Variants in ASTN2 observed in about 807,000 individuals in gnomAD.
ASTN2 encodes astrotactin 2.
ASTN2 carries 54 observed loss-of-function variants against 139.8 expected under a neutral mutation model. The ratio of observed to expected loss-of-function variants is 0.39; its 90% confidence interval spans 0.31 to 0.48. The LOEUF (loss-of-function observed/expected upper bound fraction) is 0.48. ASTN2 is among the 20% of genes least tolerant of loss of function. The pLI is 0.95. For missense variants in ASTN2, 1,565 were observed against 1,725.1 expected (o/e 0.91, Z 1.64); for synonymous variants, 756 against 719.5 (o/e 1.05, Z -0.81).
chr9:116,496,847 ATCAGATCTCC>A (rs1564318729), intron 19 of ASTN2, among the ~76,000 whole-genome samples: 2 of 152,172 alleles, frequency 1.3e-5, no homozygotes, highest in South Asian at 4.1e-4. Context: ...TTATAAAACC[ATCAGATCTCC>A]TGAGAATTAT....
Position 116,920,925 on chromosome 9 carries a change from A to T in ASTN2, c.1889+54283T>A, listed in dbSNP as rs73527988. On this transcript the variant is annotated intron_variant, in intron 10 of 22. Coordinates refer to ENST00000313400, the MANE Select transcript of ASTN2 (RefSeq NM_001365068.1). ...GACTATGTCCTCACAGGAAATATCCATCTGTTTTAGTCTATTCTCACACTG... is the reference window on the plus strand; with the variant it reads ...GACTATGTCCTCACAGGAAATATCCTTCTGTTTTAGTCTATTCTCACACTG... Among the ~76,000 whole-genome samples the T allele has an allele frequency of 3.7e-3, 561 of 152,320 alleles. 4 individuals are homozygous for T. Among genetic ancestry groups the T allele is most frequent in the African/African-American group, 0.013 (535 of 41,564 alleles).
At chr9:117,137,180 G>C (rs567959931) in intron 4 of ASTN2, among the ~76,000 whole-genome samples, 6 of 152,220 alleles carry the variant, frequency 3.9e-5, no homozygotes, top group Non-Finnish European at 5.9e-5. Flanking sequence ...TCCTTCCTCT[G>C]TCTGGCTAAG....
At chr9:117,088,777 G>A (rs144025080) in intron 5 of ASTN2, among the ~76,000 whole-genome samples, 44 of 152,286 alleles carry the variant, frequency 2.9e-4, no homozygotes, top group African/African-American at 9.6e-4. Context: ...TTCTATAACT[G>A]GCTGAGCAAC....
chr9:116,449,857 T>C (rs1387194143), intron 20 of ASTN2, among the ~76,000 whole-genome samples: 1 of 152,140 alleles, frequency 6.6e-6, no homozygotes, highest in East Asian at 1.9e-4. Context: ...CCCTGGTACC[T>C]AGGCTCCAGA....
intron 2 of ASTN2, among the ~76,000 whole-genome samples, chr9:117,283,968 G>A (rs1401784863): frequency 1.3e-5 from 2 of 151,762 alleles, no homozygotes; most frequent in South Asian, 2.1e-4. Flanking sequence ...TATTTTCAAT[G>A]GCAAAAACCA....
chr9:116,919,845 G>A (rs1216218077), intron 10 of ASTN2, among the ~76,000 whole-genome samples: 1 of 151,206 alleles, frequency 6.6e-6, no homozygotes, highest in Middle Eastern at 3.2e-3. Context: ...GGAGGCTGCA[G>A]TGGGAGGATT....
At chr9:116,535,815 A>G (rs1851597688) in intron 19 of ASTN2, among the ~76,000 whole-genome samples, 1 of 152,080 alleles carries the variant, frequency 6.6e-6, no homozygotes, top group Non-Finnish European at 1.5e-5. Context: ...AACTTTGGTG[A>G]ATCTGATAAT....
At chr9:117,171,277 A>C (rs1385596885) in intron 3 of ASTN2, among the ~76,000 whole-genome samples, 1 of 152,210 alleles carries the variant, frequency 6.6e-6, no homozygotes, top group Non-Finnish European at 1.5e-5. Context: ...GTACAGGTAC[A>C]GGGTTAGTGT....
At chr9:116,618,257 C>T in intron 19 of ASTN2, 67 bp downstream of exon 19, 1 of 1,516,592 alleles carries the variant, frequency 6.6e-7, no homozygotes, top group Non-Finnish European at 8.9e-7. Context: ...TCTCCAAAGA[C>T]AGTAGAAAAT....
At chr9:116,676,631 A>AC (rs1859517952) in intron 16 of ASTN2, among the ~76,000 whole-genome samples, 1 of 152,298 alleles carries the variant, frequency 6.6e-6, no homozygotes, top group East Asian at 1.9e-4. Context: ...GTTAGCCATA[A>AC]AAATTTTTTT....
chr9:117,211,656 T>G (rs375606359), intron 3 of ASTN2, among the ~76,000 whole-genome samples: 12 of 152,190 alleles, frequency 7.9e-5, no homozygotes, highest in African/African-American at 2.7e-4. Flanking sequence ...TAGTTCTTTA[T>G]AGCAGTGTGA....
chr9:117,225,537 A>ATGTGTG (rs1460719604), intron 2 of ASTN2, among the ~76,000 whole-genome samples: 1 of 24,424 alleles, frequency 4.1e-5, no homozygotes, highest in African/African-American at 2.2e-4. Context: ...AGCTGTATGT[A>ATGTGTG]TATATATATA....
At chr9:116,807,139 G>A (rs1831049745) in intron 12 of ASTN2, among the ~76,000 whole-genome samples, 1 of 152,066 alleles carries the variant, frequency 6.6e-6, no homozygotes, top group Non-Finnish European at 1.5e-5. Context: ...GTAAACAGCA[G>A]GCAATCTCTT....
chr9:116,889,734 C>G (rs1164878264), intron 10 of ASTN2, among the ~76,000 whole-genome samples: 2 of 103,598 alleles, frequency 1.9e-5, no homozygotes, highest in Non-Finnish European at 3.8e-5. Flanking sequence ...CACACACACA[C>G]ACACACACAC....
intron 7 of ASTN2, among the ~76,000 whole-genome samples, chr9:116,997,740 AC>A (rs1837066073): frequency 6.6e-6 from 1 of 152,198 alleles, no homozygotes; most frequent in Non-Finnish European, 1.5e-5. Flanking sequence ...AAAAATAACT[AC>A]CTAGAAGTGT....
At chr9:117,060,577 A>G (rs1237731266) in intron 5 of ASTN2, among the ~76,000 whole-genome samples, 6 of 127,226 alleles carry the variant, frequency 4.7e-5, no homozygotes, top group Admixed American at 8.4e-5. Flanking sequence ...GGAGGGAGGG[A>G]AAGAAGGCAG....
chr9:116,991,338 A>G (rs1442837023), intron 7 of ASTN2, among the ~76,000 whole-genome samples: 1 of 152,172 alleles, frequency 6.6e-6, no homozygotes, highest in East Asian at 1.9e-4. Context: ...TGCTACTGCT[A>G]AGTGCTGCAT....
intron 10 of ASTN2, among the ~76,000 whole-genome samples, chr9:116,917,484 A>G (rs1834481837): frequency 6.6e-6 from 1 of 152,238 alleles, no homozygotes; most frequent in Non-Finnish European, 1.5e-5. Flanking sequence ...GTTAAAGCAT[A>G]GGACGTAAAA....
intron 13 of ASTN2, among the ~76,000 whole-genome samples, chr9:116,791,477 T>G (rs1830557073): frequency 6.6e-6 from 1 of 152,170 alleles, no homozygotes; most frequent in African/African-American, 2.4e-5. Context: ...AAGTGTTTAT[T>G]TATAAAAGAG....
Sources: allele counts gnomAD v4.1 joint callset (sites outside exome capture counted in the v4.1 genomes callset), GRCh38; gene constraint gnomAD v4.1.1; transcripts MANE v1.5; gene names NCBI Gene and HGNC (gene_info 2026-07-23, HGNC 2026-07-21).